Variants in NHSL1 observed in about 807,000 individuals in gnomAD.
The protein encoded by NHSL1 is NHS-like protein 1.
A neutral mutation model predicts 95.0 loss-of-function variants in NHSL1; 48 were observed. The observed-to-expected ratio is 0.51, with a 90% CI of 0.40 to 0.64. The LOEUF is 0.64. Ranked by LOEUF, NHSL1 falls within the 30% of genes least tolerant of loss-of-function variation. The pLI is 0.00. For synonymous variants in NHSL1, 783 were observed against 833.9 expected (o/e 0.94, Z 1.05); for missense variants, 1,971 against 2,077.7 (o/e 0.95, Z 1.00).
At chr6:138,482,559 G>A (rs1779492818) in intron 2 of NHSL1, among the ~76,000 whole-genome samples, 1 of 151,958 alleles carries the variant, frequency 6.6e-6, no homozygotes. Context: ...CAACCTCCAG[G>A]TTCAGTGATT....
At chr6:138,453,422 ACAGCTCATGGCAGCCT>A (rs1243167927) in intron 3 of NHSL1, among the ~76,000 whole-genome samples, 4 of 151,860 alleles carry the variant, frequency 2.6e-5, no homozygotes, top group Admixed American at 1.3e-4. Flanking sequence ...CACAGTGATT[ACAGCTCATGGCAGCCT>A]CAGATTCCTG....
At chr6:138,425,448 C>T (rs548883116) in intron 7 of NHSL1, among the ~76,000 whole-genome samples, 9 of 152,280 alleles carry the variant, frequency 5.9e-5, no homozygotes, top group African/African-American at 1.7e-4. Context: ...CAAAAGAGAA[C>T]AGCTCACTGC....
At chr6:138,607,865 A>AC (rs1784455674) in intron 1 of NHSL1, among the ~76,000 whole-genome samples, 1 of 152,254 alleles carries the variant, frequency 6.6e-6, no homozygotes, top group Non-Finnish European at 1.5e-5. Flanking sequence ...CAAAAGTTTC[A>AC]TGACTGAGAC....
At chr6:138,596,999 A>T (rs1023881781) in intron 1 of NHSL1, among the ~76,000 whole-genome samples, 1 of 152,086 alleles carries the variant, frequency 6.6e-6, no homozygotes, top group Non-Finnish European at 1.5e-5. Context: ...TCTCTACCAA[A>T]AAATATAAGA....
intron 1 of NHSL1, among the ~76,000 whole-genome samples, chr6:138,647,297 A>C (rs1785032244): frequency 6.6e-6 from 1 of 151,978 alleles, no homozygotes; most frequent in Non-Finnish European, 1.5e-5. Flanking sequence ...TTAAGCCAAG[A>C]CTCCTGGGTT....
chr6:138,639,700 A>G (rs1481553415), intron 1 of NHSL1, among the ~76,000 whole-genome samples: 1 of 145,796 alleles, frequency 6.9e-6, no homozygotes, highest in Non-Finnish European at 1.5e-5. Flanking sequence ...CAGCTACTTG[A>G]GAGGCTGAAG....
At chr6:138,601,876 A>AC in intron 1 of NHSL1, among the ~76,000 whole-genome samples, 2 of 152,320 alleles carry the variant, frequency 1.3e-5, no homozygotes, top group South Asian at 4.1e-4. Context: ...GAATTTATTT[A>AC]ATAACAAAAA....
At chr6:138,632,604 A>C (rs1418270408) in intron 1 of NHSL1, among the ~76,000 whole-genome samples, 1 of 152,194 alleles carries the variant, frequency 6.6e-6, no homozygotes, top group African/African-American at 2.4e-5. Context: ...ATCTTGTCCA[A>C]AATCATCAAG....
chr6:138,522,641 C>CAAATA lies in NHSL1; in HGVS notation c.16+22977_16+22981dup, dbSNP rs1781731764. Among the ~76,000 whole-genome samples, 5 of 152,094 alleles carry CAAATA rather than the reference C, an allele frequency of 3.3e-5. No homozygotes were observed. The South Asian group carries it at 6.2e-4, about 19-fold the overall frequency. On this transcript the variant is annotated intron_variant, in intron 1 of 4. Transcript: ENST00000342260. Reference sequence around the variant, plus strand: ...GAGTGACAAGAGTGAAACTCCATCTCAAATAAAATAAAATAAAATAATTTA... The same window carrying CAAATA: ...GAGTGACAAGAGTGAAACTCCATCTCAAATAAAATAAAATAAAATAAAATAATTTA...
chr6:138,611,392 T>A (rs530400927), intron 1 of NHSL1, among the ~76,000 whole-genome samples: 109 of 152,200 alleles, frequency 7.2e-4, no homozygotes, highest in Non-Finnish European at 1.4e-3. Flanking sequence ...ACTAAATAGG[T>A]ATGTGCTAAC....
chr6:138,508,045 A>G (rs774572976), intron 1 of NHSL1, among the ~76,000 whole-genome samples: 3 of 152,220 alleles, frequency 2.0e-5, no homozygotes, highest in Non-Finnish European at 4.4e-5. Context: ...TTAATCCAAT[A>G]TCATTGCTGC....
intron 3 of NHSL1, among the ~76,000 whole-genome samples, chr6:138,450,764 T>G (rs1273275828): frequency 6.6e-6 from 1 of 152,040 alleles, no homozygotes; most frequent in East Asian, 1.9e-4. Context: ...GACTGTTAGG[T>G]CTCACAATCT....
chr6:138,629,131 C>T (rs1308727166), intron 1 of NHSL1, among the ~76,000 whole-genome samples: 3 of 152,088 alleles, frequency 2.0e-5, no homozygotes, highest in Admixed American at 6.5e-5. Flanking sequence ...TAAGTTCTGC[C>T]GCCTGTACAC....
At position 138,527,447 on chromosome 6, in the gene NHSL1, T is replaced by C. The variant is rs117742109; in HGVS notation, c.16+18176A>G. Reference sequence around the variant, plus strand: ...GAAGTGACAAAAGAGTAATAAGGCTTATGAGGCTTGCAGCACCATGAAAAC... The same window carrying C: ...GAAGTGACAAAAGAGTAATAAGGCTCATGAGGCTTGCAGCACCATGAAAAC... On this transcript the variant is annotated intron_variant, in intron 1 of 4. Coordinates refer to the NHSL1 transcript ENST00000342260. 3.0e-3 allele frequency among the ~76,000 whole-genome samples: 458 copies of C among 152,268 alleles called. 4 individuals carry two copies. The highest frequency in any genetic ancestry group is 3.3e-3 in the Non-Finnish European group (224 of 68,002).
At chr6:138,497,363 A>C (rs754050778) in intron 1 of NHSL1, among the ~76,000 whole-genome samples, 2 of 152,198 alleles carry the variant, frequency 1.3e-5, no homozygotes, top group Non-Finnish European at 2.9e-5. Context: ...CATTTGCTTG[A>C]GGTAGCAAGT....
At chr6:138,536,252 T>TGAGGACTGGGGA (rs1480124756) in intron 1 of NHSL1, among the ~76,000 whole-genome samples, 1 of 152,070 alleles carries the variant, frequency 6.6e-6, no homozygotes, top group African/African-American at 2.4e-5. Flanking sequence ...CAAAGGTGAG[T>TGAGGACTGGGGA]GAGGACTGGG....
intron 5 of NHSL1, among the ~76,000 whole-genome samples, chr6:138,434,007 TAA>T (rs759077219): frequency 6.6e-6 from 1 of 152,188 alleles, no homozygotes; most frequent in Non-Finnish European, 1.5e-5. Context: ...CACCTTTCAG[TAA>T]AGTCTTCAAG....
intron 1 of NHSL1, among the ~76,000 whole-genome samples, chr6:138,683,040 G>A (rs1785533828): frequency 6.6e-6 from 1 of 152,204 alleles, no homozygotes; most frequent in South Asian, 2.1e-4. Flanking sequence ...AGCGAGGTGG[G>A]AGCTGAGCGG....
chr6:138,470,923 C>A (rs565781842), intron 3 of NHSL1, among the ~76,000 whole-genome samples: 1 of 152,120 alleles, frequency 6.6e-6, no homozygotes, highest in Non-Finnish European at 1.5e-5. Flanking sequence ...GTAATTATTA[C>A]GGAAACATTT....
Sources: allele counts gnomAD v4.1 joint callset (sites outside exome capture counted in the v4.1 genomes callset), GRCh38; gene constraint gnomAD v4.1.1; transcripts MANE v1.5; gene names NCBI Gene and HGNC (gene_info 2026-07-23, HGNC 2026-07-21).